ITPKB: variants seen among roughly 807,000 people sequenced by gnomAD.
The protein encoded by ITPKB is IP3 3-kinase B.
ITPKB carries 13 observed loss-of-function variants against 69.4 expected under a neutral mutation model. That is an observed-to-expected ratio of 0.19 (90% CI 0.12 to 0.30). The LOEUF is 0.30. Ranked by LOEUF, ITPKB falls within the 10% of genes least tolerant of loss-of-function variation. ITPKB has a pLI of 1.00. For synonymous variants in ITPKB, 584 were observed against 513.7 expected (o/e 1.14, Z -1.85); for missense variants, 1,240 against 1,250.5 (o/e 0.99, Z 0.13).
intron 2 of ITPKB, among the ~76,000 whole-genome samples, chr1:226,730,625 A>C (rs1012327141): frequency 1.3e-5 from 2 of 152,202 alleles, no homozygotes; most frequent in African/African-American, 4.8e-5. Context: ...GTTAATTCTG[A>C]ACCACCTCCT....
intron 2 of ITPKB, among the ~76,000 whole-genome samples, chr1:226,733,197 A>G (rs1225397181): frequency 6.6e-6 from 1 of 152,186 alleles, no homozygotes; most frequent in African/African-American, 2.4e-5. Context: ...AGCAAGTGTG[A>G]GCAAGCATGA....
intron 2 of ITPKB, among the ~76,000 whole-genome samples, chr1:226,689,928 C>A (rs1318441834): frequency 6.6e-6 from 1 of 152,132 alleles, no homozygotes; most frequent in African/African-American, 2.4e-5. Context: ...CAACCATGTT[C>A]CTGCAAAGGA....
At chr1:226,676,021 G>A (rs745482097) in intron 2 of ITPKB, 7 of 152,222 alleles carry the variant, frequency 4.6e-5, no homozygotes, top group Admixed American at 1.3e-4. Flanking sequence ...TCTGGGCTCT[G>A]TGCTCCCACA....
chr1:226,729,420 T>C (rs1337179916), intron 2 of ITPKB, among the ~76,000 whole-genome samples: 3 of 141,690 alleles, frequency 2.1e-5, no homozygotes, highest in Non-Finnish European at 4.5e-5. Flanking sequence ...AGGCAGAGGT[T>C]GCAGTGAGCC....
chr1:226,652,268 C>T (rs1669209809), intron 2 of ITPKB, among the ~76,000 whole-genome samples: 1 of 152,190 alleles, frequency 6.6e-6, no homozygotes, highest in South Asian at 2.1e-4. Context: ...GAATCAATGT[C>T]CTTGTGATGG....
At chr1:226,639,806 G>A (rs1391646148) in intron 5 of ITPKB, 148 bp from the exon 6 acceptor site, 37 of 658,256 alleles carry the variant, frequency 5.6e-5, no homozygotes, top group Admixed American at 1.5e-4. Flanking sequence ...CACGTATGGC[G>A]CATGGAGGTG....
intron 2 of ITPKB, among the ~76,000 whole-genome samples, chr1:226,702,335 T>G (rs1185634681): frequency 6.6e-6 from 1 of 151,122 alleles, no homozygotes; most frequent in African/African-American, 2.4e-5. Flanking sequence ...GGGGCGGAAG[T>G]TGCAGTGAGC....
At chr1:226,712,887 A>AG (rs1657004608) in intron 2 of ITPKB, among the ~76,000 whole-genome samples, 1 of 152,098 alleles carries the variant, frequency 6.6e-6, no homozygotes, top group Non-Finnish European at 1.5e-5. Flanking sequence ...GCTATCAGCA[A>AG]ACCACAGGAT....
chr1:226,635,136 CCT>C (rs1412939042), intron 7 of ITPKB, among the ~76,000 whole-genome samples: 6 of 152,180 alleles, frequency 3.9e-5, no homozygotes, highest in Non-Finnish European at 8.8e-5. Flanking sequence ...CCCTTCACCC[CCT>C]GACTCTGGCC....
rs1668745036 is a variant in ITPKB, at chr1:226,632,346, G to A, written c.*2325C>T. ...TCCCTGTGGTGACGAGGGCTGGGCAGGCACGGTCTTCCAGGCTGCCAGGGC... is the reference window on the plus strand; with the variant it reads ...TCCCTGTGGTGACGAGGGCTGGGCAAGCACGGTCTTCCAGGCTGCCAGGGC... On this transcript the variant is annotated 3_prime_UTR_variant, in exon 8 of 8. Coordinates refer to ENST00000429204, the MANE Select transcript of ITPKB (RefSeq NM_002221.4). 6.6e-6 allele frequency: 1 copy of A among 152,226 alleles called. No homozygotes were observed. Among genetic ancestry groups the A allele is most frequent in the African/African-American group, 2.4e-5 (1 of 41,448 alleles). The allele number at this position is 152,226 out of a possible 1,614,324, so 9.4% of individuals were successfully genotyped here. A position where few individuals can be genotyped will look rare whatever the true frequency, so the allele number is the denominator to read the frequency against.
chr1:226,701,471 G>C (rs927194371), intron 2 of ITPKB, among the ~76,000 whole-genome samples: 10 of 151,466 alleles, frequency 6.6e-5, no homozygotes, highest in Non-Finnish European at 1.3e-4. Flanking sequence ...GGGCGTGGTG[G>C]TGGGCGCCTG....
intron 2 of ITPKB, among the ~76,000 whole-genome samples, chr1:226,714,161 G>A (rs1571870985): frequency 6.6e-6 from 1 of 152,258 alleles, no homozygotes; most frequent in East Asian, 1.9e-4. Context: ...CTACTCTCTT[G>A]GCCCCTTAAA....
chr1:226,724,785 C>A (rs1256603095), intron 2 of ITPKB, among the ~76,000 whole-genome samples: 6 of 152,186 alleles, frequency 3.9e-5, no homozygotes, highest in African/African-American at 1.4e-4. Flanking sequence ...TCTGGTCAAT[C>A]GGGGTCCTCC....
At chr1:226,685,085 G>A (rs1470372483) in intron 2 of ITPKB, among the ~76,000 whole-genome samples, 1 of 152,194 alleles carries the variant, frequency 6.6e-6, no homozygotes, top group Non-Finnish European at 1.5e-5. Flanking sequence ...TGAAGGAGTT[G>A]GCCTCTGCCC....
intron 2 of ITPKB, among the ~76,000 whole-genome samples, chr1:226,666,982 C>T (rs1380446627): frequency 6.6e-6 from 1 of 152,224 alleles, no homozygotes; most frequent in Non-Finnish European, 1.5e-5. Flanking sequence ...CTGCTTCATG[C>T]TCCTGAACCT....
chr1:226,661,141 C>T (rs1286556540), intron 2 of ITPKB, among the ~76,000 whole-genome samples: 1 of 152,238 alleles, frequency 6.6e-6, no homozygotes, highest in Non-Finnish European at 1.5e-5. Flanking sequence ...GCCCCATCTC[C>T]ACCCCCAACA....
chr1:226,736,517 C>T lies in ITPKB; in HGVS notation c.942G>A (p.Gly314=), dbSNP rs754051512. The change falls in exon 2 of 8, where the codon GGG becomes GGA. Residue 314 remains glycine, a synonymous_variant. Transcript: ENST00000429204. ...GGGCAAGATCCTGTGGACGGTGTGG[C>T]CCAGTGGATGTAACTCTCGCTGCCA... ...TEVAARVTST[G]PHRPQDLALT... 6.2e-7 allele frequency: 1 copy of T among 1,613,964 alleles called. No homozygotes were observed. The highest frequency in any genetic ancestry group is 2.2e-5 in the East Asian group (1 of 44,872).
At chr1:226,705,902 A>T (rs1442680328) in intron 2 of ITPKB, among the ~76,000 whole-genome samples, 1 of 152,234 alleles carries the variant, frequency 6.6e-6, no homozygotes, top group Non-Finnish European at 1.5e-5. Context: ...GAGTGCTGGG[A>T]AAGCACTTGT....
At position 226,736,371 on chromosome 1, in the gene ITPKB, G is replaced by T; in HGVS notation, c.1088C>A (p.Pro363His). 6.2e-7 allele frequency: 1 copy of T among 1,612,482 alleles called. No individual in the cohort carries two copies. ...CTTCCCAGGGGGTTCTCCATCGCGGGGCCCGCCCCTTTCTGGGGCTGGGCT... is the reference window on the plus strand; with the variant it reads ...CTTCCCAGGGGGTTCTCCATCGCGGTGCCCGCCCCTTTCTGGGGCTGGGCT... ...ETSPAPERGG[P>H]RDGEPPGKMG... The change falls in exon 2 of 8, where the codon CCC (proline) becomes CAC (histidine). Residue 363 changes from proline (P) to histidine (H), a missense_variant. Pro to His is a moderately conservative substitution (Grantham distance 77, BLOSUM62 -2). This residue lies in a region of ITPKB where 992 missense variants were observed against 853.8 expected (regional missense o/e 1.16). Transcript: ENST00000429204.
Sources: gnomAD v4.1 joint callset for allele counts (sites outside exome capture counted in the v4.1 genomes callset) on GRCh38, gnomAD v4.1.1 for gene constraint, gnomAD v4.1.1 regional missense constraint, MANE v1.5 for transcripts, NCBI Gene and HGNC (gene_info 2026-07-23, HGNC 2026-07-21) for gene names.